Variants in SCN9A observed in about 807,000 individuals in gnomAD.
SCN9A encodes the protein sodium voltage-gated channel alpha subunit 9, also known as sodium channel protein type 9 subunit alpha.
Under a neutral mutation model 187.0 loss-of-function variants are expected in SCN9A, and 131 were observed. That is an observed-to-expected ratio of 0.70 (90% CI 0.61 to 0.81). SCN9A has a LOEUF of 0.81. SCN9A is among the 30% of genes least tolerant of loss of function. The pLI, the probability that SCN9A is intolerant of heterozygous loss-of-function variation, is 0.00. For synonymous variants in SCN9A, 809 were observed against 808.6 expected, an observed-to-expected ratio of 1.00 and a Z score of -0.01; for missense variants, 2,252 against 2,396.6, an observed-to-expected ratio of 0.94 and a Z score of 1.26.
At chr2:166,313,473 A>T (rs943965928) in intron 1 of SCN9A, among the ~76,000 whole-genome samples, 6 of 152,086 alleles carry the variant, frequency 3.9e-5, no homozygotes, top group Non-Finnish European at 5.9e-5. Context: ...TTTTTATGTT[A>T]TGGCAGTGAC....
At chr2:166,244,882 T>C (rs1441728283) in intron 18 of SCN9A, among the ~76,000 whole-genome samples, 1 of 152,116 alleles carries the variant, frequency 6.6e-6, no homozygotes, top group Non-Finnish European at 1.5e-5. Flanking sequence ...TTCTTGATTT[T>C]CTAGAGTAGA....
intron 1 of SCN9A, among the ~76,000 whole-genome samples, chr2:166,313,276 C>T (rs1023138936): frequency 5.3e-5 from 8 of 152,196 alleles, no homozygotes; most frequent in Non-Finnish European, 1.0e-4. Flanking sequence ...TCAGCCTGTT[C>T]GTTGAAGCTT....
At chr2:166,216,780 GAATT>G (rs1694348503) in intron 24 of SCN9A, among the ~76,000 whole-genome samples, 1 of 152,002 alleles carries the variant, frequency 6.6e-6, no homozygotes, top group Non-Finnish European at 1.5e-5. Context: ...TGTGTTGGAA[GAATT>G]AATATTGTTA....
intron 26 of SCN9A, among the ~76,000 whole-genome samples, chr2:166,202,736 G>A (rs76307556): frequency 0.072 from 10,973 of 151,500 alleles, 458 homozygotes; most frequent in Non-Finnish European, 0.093. Flanking sequence ...TATTTTTATT[G>A]CAATTGTGAA....
intron 1 of SCN9A, among the ~76,000 whole-genome samples, chr2:166,352,709 A>C (rs1161555677): frequency 6.6e-6 from 1 of 152,184 alleles, no homozygotes; most frequent in Non-Finnish European, 1.5e-5. Context: ...TACTTTTCCT[A>C]CACACAGCAT....
chr2:166,305,512 G>A (rs1178315204), intron 5 of SCN9A, among the ~76,000 whole-genome samples: 1 of 152,070 alleles, frequency 6.6e-6, no homozygotes, highest in Non-Finnish European at 1.5e-5. Flanking sequence ...TGGAAAAAGT[G>A]TAAACCTAAT....
chr2:166,229,303 C>A (rs538483809), intron 21 of SCN9A, among the ~76,000 whole-genome samples: 3 of 151,248 alleles, frequency 2.0e-5, no homozygotes, highest in South Asian at 4.2e-4. Flanking sequence ...AATAATAAAC[C>A]AAAACCTGTT....
In SCN9A at chr2:166,334,139, G is replaced by A. The variant is rs77328118; in HGVS notation, c.-50-22333C>T. Among the ~76,000 whole-genome samples the A allele has an allele frequency of 9.2e-3, 1,405 of 152,022 alleles. 32 individuals carry two copies. The highest frequency in any genetic ancestry group is 0.031 in the African/African-American group (1,273 of 41,502). ...TTCTTCAGAATTAAAGTATGATTTC[G>A]GTGCTTTAAATAAACTAAGAATTCT... On this transcript the variant is annotated intron_variant, in intron 1 of 26. Coordinates refer to ENST00000642356, the MANE Select transcript of SCN9A (RefSeq NM_001365536.1).
At chr2:166,200,636 C>A (rs556208969) in intron 26 of SCN9A, among the ~76,000 whole-genome samples, 1 of 151,914 alleles carries the variant, frequency 6.6e-6, no homozygotes, top group Non-Finnish European at 1.5e-5. Context: ...TTTTTTGTAA[C>A]CTATTTATTT....
intron 26 of SCN9A, among the ~76,000 whole-genome samples, chr2:166,203,205 T>C (rs1693627560): frequency 6.6e-6 from 1 of 151,900 alleles, no homozygotes; most frequent in Non-Finnish European, 1.5e-5. Context: ...TCATGCAACC[T>C]TGAACCTTTT....
rs751682235 is a variant in SCN9A at position 166,199,442 on chromosome 2, G to A, written c.5197C>T (p.Pro1733Ser). 2.5e-6 allele frequency: 4 copies of A among 1,614,116 alleles called. No homozygotes were observed. Among genetic ancestry groups the A allele is most frequent in the Non-Finnish European group, 3.4e-6 (4 of 1,180,016 alleles). Reference protein sequence around the residue: ...GSSVEGDCGNPSVGIFYFVSY... With the variant: ...GSSVEGDCGNSSVGIFYFVSY... ...ACAAAGTAGAATATTCCAACAGATGGGTTACCACAGTCTCCTTCAACTGAA... is the reference window on the plus strand; with the variant it reads ...ACAAAGTAGAATATTCCAACAGATGAGTTACCACAGTCTCCTTCAACTGAA... The change falls in exon 27 of 27, where the codon CCA becomes TCA. Residue 1733 changes from proline to serine, a missense_variant. Physicochemically the swap from Pro to Ser is moderately conservative, Grantham distance 74. This residue lies in a region of SCN9A where 345 missense variants were observed against 344.6 expected (regional missense o/e 1.00). Coordinates refer to ENST00000642356, the MANE Select transcript of SCN9A (RefSeq NM_001365536.1).
intron 1 of SCN9A, among the ~76,000 whole-genome samples, chr2:166,363,647 A>G (rs925789455): frequency 6.6e-5 from 10 of 152,064 alleles, no homozygotes; most frequent in African/African-American, 2.4e-4. Flanking sequence ...GGGTATGGGA[A>G]AGCTGGAAAC....
At chr2:166,354,245 A>T (rs1268193080) in intron 1 of SCN9A, among the ~76,000 whole-genome samples, 3 of 152,208 alleles carry the variant, frequency 2.0e-5, no homozygotes. Flanking sequence ...GGAGGCTGAT[A>T]TGTGCAAAAA....
At chr2:166,241,159 T>A (rs1273348034) in intron 19 of SCN9A, among the ~76,000 whole-genome samples, 1 of 152,138 alleles carries the variant, frequency 6.6e-6, no homozygotes, top group Admixed American at 6.5e-5. Flanking sequence ...TCCAAACTCA[T>A]GAAGACTGTC....
chr2:166,236,245 G>GA (rs1466784651), intron 20 of SCN9A, among the ~76,000 whole-genome samples: 1 of 151,664 alleles, frequency 6.6e-6, no homozygotes, highest in African/African-American at 2.4e-5. Context: ...ATGATTAATT[G>GA]AAAAATAGCA....
chr2:166,336,101 C>T (rs927109152), intron 1 of SCN9A, among the ~76,000 whole-genome samples: 1 of 152,000 alleles, frequency 6.6e-6, no homozygotes, highest in African/African-American at 2.4e-5. Flanking sequence ...AGAACCAATC[C>T]CTCACTGATA....
chr2:166,204,233 G>T lies in SCN9A; in HGVS notation c.4504-8C>A, dbSNP rs1225242164. ...ACATCCTTGGATTTTGTTCTGCAAA[G>T]AAATAAGAATAATATCGAATGCAGA... is the stretch of plus-strand genomic sequence containing the variant. On this transcript the variant is annotated splice_region_variant and splice_polypyrimidine_tract_variant and intron_variant, in intron 25 of 26. Coordinates refer to ENST00000642356, the MANE Select transcript of SCN9A (RefSeq NM_001365536.1). 1.9e-6 allele frequency: 3 copies of T among 1,605,604 alleles called. No homozygotes were observed. Among genetic ancestry groups the T allele is most frequent in the Non-Finnish European group, 2.6e-6 (3 of 1,175,874 alleles).
chr2:166,298,290 G>T (rs1162016244), intron 7 of SCN9A, among the ~76,000 whole-genome samples: 2 of 152,262 alleles, frequency 1.3e-5, no homozygotes, highest in African/African-American at 4.8e-5. Context: ...AGGAGGAAGA[G>T]AATATCCTGT....
chr2:166,235,447 G>T (rs1695274116), intron 20 of SCN9A, among the ~76,000 whole-genome samples: 1 of 152,076 alleles, frequency 6.6e-6, no homozygotes, highest in African/African-American at 2.4e-5. Flanking sequence ...TCCATTCTCT[G>T]AGTAGCAAAT....
Sources: gnomAD v4.1 joint callset for allele counts (sites outside exome capture counted in the v4.1 genomes callset) on GRCh38, gnomAD v4.1.1 for gene constraint, gnomAD v4.1.1 regional missense constraint, MANE v1.5 for transcripts, NCBI Gene and HGNC (gene_info 2026-07-23, HGNC 2026-07-21) for gene names.